DLGAP1: variants seen among roughly 807,000 people sequenced by gnomAD.
DLGAP1 encodes the protein disks large-associated protein 1.
In DLGAP1, 11 loss-of-function variants were observed where a neutral mutation model predicts 90.8. That is an observed-to-expected ratio of 0.12 (90% CI 0.08 to 0.20). The LOEUF is 0.20. Among genes scored for constraint, DLGAP1 ranks in the 10% least tolerant of loss-of-function variants. The probability of loss-of-function intolerance (pLI) is 1.00; values close to 1 mark genes in which losing one functional copy is unlikely to be tolerated. For missense variants in DLGAP1, 1,050 were observed against 1,333.8 expected (o/e 0.79, Z 3.31); for synonymous variants, 558 against 540.7 (o/e 1.03, Z -0.44).
At chr18:3,756,175 G>A (rs186195674) in intron 5 of DLGAP1, among the ~76,000 whole-genome samples, 121 of 151,748 alleles carry the variant, frequency 8.0e-4, no homozygotes, top group Admixed American at 2.3e-3. Flanking sequence ...TCAGCCTCCC[G>A]AGTAGCTGGG....
chr18:3,780,978 T>TA (rs1295797482), intron 5 of DLGAP1, among the ~76,000 whole-genome samples: 3 of 152,078 alleles, frequency 2.0e-5, no homozygotes, highest in African/African-American at 4.8e-5. Context: ...CCCAGCTAAT[T>TA]AAAAAAAATT....
At chr18:3,933,044 T>TG (rs747482670) in intron 3 of DLGAP1, among the ~76,000 whole-genome samples, 10 of 152,148 alleles carry the variant, frequency 6.6e-5, no homozygotes, top group Non-Finnish European at 1.3e-4. Flanking sequence ...ACAGATTCCA[T>TG]GGGGAAACTT....
chr18:4,440,913 C>T (rs2658250), intron 1 of DLGAP1, among the ~76,000 whole-genome samples: 46,327 of 152,050 alleles, frequency 0.3, 7,347 homozygotes, highest in Non-Finnish European at 0.32. Flanking sequence ...AAACATTTTG[C>T]TTTGAGCTAA....
intron 1 of DLGAP1, among the ~76,000 whole-genome samples, chr18:4,153,373 C>T (rs1200108659): frequency 6.6e-6 from 1 of 152,200 alleles, no homozygotes; most frequent in African/African-American, 2.4e-5. Flanking sequence ...CTGATTTACT[C>T]ATTATATAGA....
chr18:3,602,199 C>T (rs964143185), intron 7 of DLGAP1, among the ~76,000 whole-genome samples: 1 of 152,150 alleles, frequency 6.6e-6, no homozygotes, highest in African/African-American at 2.4e-5. Flanking sequence ...TTGCCTAGTA[C>T]ACACTTTTTG....
rs949385419 is a variant in DLGAP1 at position 3,830,729 on chromosome 18, T to C, written c.958-16456A>G. On this transcript the variant is annotated intron_variant, in intron 4 of 12. Coordinates refer to ENST00000315677, the MANE Select transcript of DLGAP1 (RefSeq NM_004746.4). ...TGTAGCAACTTGCACATACTACTAA[T>C]GTAACACTGATCACATTGTTTTAAA... 1.3e-5 allele frequency among the ~76,000 whole-genome samples: 2 copies of C among 152,214 alleles called. 1 individual carries two copies. The highest frequency in any genetic ancestry group is 4.1e-4 in the South Asian group (2 of 4,828).
chr18:4,054,673 C>T (rs556600232), intron 2 of DLGAP1, among the ~76,000 whole-genome samples: 8 of 152,304 alleles, frequency 5.3e-5, no homozygotes, highest in Admixed American at 3.9e-4. Context: ...AAGACCCAAA[C>T]ACACCAAGAT....
At chr18:3,861,260 T>C (rs80241371) in intron 4 of DLGAP1, among the ~76,000 whole-genome samples, 1 of 152,188 alleles carries the variant, frequency 6.6e-6, no homozygotes, top group African/African-American at 2.4e-5. Flanking sequence ...CTAATATTCA[T>C]CCACAATAAT....
chr18:4,203,668 G>A (rs1374264713), intron 1 of DLGAP1, among the ~76,000 whole-genome samples: 1 of 152,096 alleles, frequency 6.6e-6, no homozygotes, highest in Non-Finnish European at 1.5e-5. Flanking sequence ...CTCCCTCCCT[G>A]AAACATTTCC....
intron 4 of DLGAP1, among the ~76,000 whole-genome samples, chr18:3,871,771 T>C (rs542226175): frequency 6.6e-6 from 1 of 152,322 alleles, no homozygotes; most frequent in South Asian, 2.1e-4. Flanking sequence ...TTAAAATGGA[T>C]CTGAGTTCAT....
intron 7 of DLGAP1, among the ~76,000 whole-genome samples, chr18:3,668,049 A>G (rs1307750563): frequency 6.6e-6 from 1 of 152,158 alleles, no homozygotes. Flanking sequence ...CATTGTCACA[A>G]AACTATCATC....
chr18:3,782,392 C>A (rs563989969), intron 5 of DLGAP1, among the ~76,000 whole-genome samples: 1 of 152,238 alleles, frequency 6.6e-6, no homozygotes, highest in African/African-American at 2.4e-5. Flanking sequence ...CTGTCTTGGC[C>A]TCCCAAAGTG....
chr18:4,299,430 A>G (rs2143227327), intron 1 of DLGAP1, among the ~76,000 whole-genome samples: 1 of 152,334 alleles, frequency 6.6e-6, no homozygotes, highest in East Asian at 1.9e-4. Context: ...TGCACTCACA[A>G]CCATAATTTA....
At chr18:3,554,502 A>T (rs1331878153) in intron 9 of DLGAP1, among the ~76,000 whole-genome samples, 1 of 152,174 alleles carries the variant, frequency 6.6e-6, no homozygotes, top group Non-Finnish European at 1.5e-5. Flanking sequence ...CATTTAAACT[A>T]GTGATCTTCA....
At chr18:3,882,039 C>T (rs1479131065) in intron 3 of DLGAP1, among the ~76,000 whole-genome samples, 3 of 152,156 alleles carry the variant, frequency 2.0e-5, no homozygotes, top group Admixed American at 6.5e-5. Context: ...CTTCACCACA[C>T]AAACAATCCC....
intron 2 of DLGAP1, among the ~76,000 whole-genome samples, chr18:4,108,539 T>A (rs1029604386): frequency 3.3e-5 from 5 of 149,574 alleles, no homozygotes; most frequent in Non-Finnish European, 4.5e-5. Flanking sequence ...TATTACACAA[T>A]AAAAAAAAAA....
chr18:4,125,524 T>C lies in DLGAP1; in HGVS notation c.-159+25656A>G, dbSNP rs2076219271. On this transcript the variant is annotated intron_variant, in intron 2 of 12. Transcript: ENST00000315677. ...GCCCCAGACTCAGTGTCTATCTGTG[T>C]AGACATAGGGCTGGAATAGTGGAGA... Among the ~76,000 whole-genome samples, 4 of 152,148 alleles carry C rather than the reference T, an allele frequency of 2.6e-5. No individual in the cohort carries two copies. In the South Asian group the frequency reaches 8.3e-4, roughly 32 times the overall value.
At chr18:3,694,939 G>GTT (rs1219198458) in intron 7 of DLGAP1, among the ~76,000 whole-genome samples, 101 of 125,278 alleles carry the variant, frequency 8.1e-4, no homozygotes, top group Non-Finnish European at 1.3e-3. Context: ...TGTTTTTTTT[G>GTT]TTTTTTTTTT....
chr18:4,354,496 A>G (rs1466547790), intron 1 of DLGAP1, among the ~76,000 whole-genome samples: 1 of 152,084 alleles, frequency 6.6e-6, no homozygotes, highest in African/African-American at 2.4e-5. Context: ...TCTTCATTGA[A>G]CCTAAGCATA....
Sources: gnomAD v4.1 joint callset for allele counts (sites outside exome capture counted in the v4.1 genomes callset) on GRCh38, gnomAD v4.1.1 for gene constraint, MANE v1.5 for transcripts, NCBI Gene and HGNC (gene_info 2026-07-23, HGNC 2026-07-21) for gene names.